The following ARHGAP8 variants were observed in gnomAD, a reference collection of about 807,000 sequenced individuals.
The protein encoded by ARHGAP8 is Rho GTPase activating protein 8, also known as rho GTPase-activating protein 8.
In ARHGAP8, 62 loss-of-function variants were observed where a neutral mutation model predicts 46.1. The ratio of observed to expected loss-of-function variants is 1.34; its 90% confidence interval spans 1.10 to 1.66. The LOEUF is 1.66. Among genes scored for constraint, ARHGAP8 ranks in the 40% most tolerant of loss-of-function variants. The pLI, the probability that ARHGAP8 is intolerant of heterozygous loss-of-function variation, is 0.00. For synonymous variants in ARHGAP8, 375 were observed against 243.1 expected (o/e 1.54, Z -5.05); for missense variants, 923 against 568.4 (o/e 1.62, Z -6.34).
chr22:44,857,165 C>G (rs895807454), intron 10 of ARHGAP8, among the ~76,000 whole-genome samples: 3 of 146,686 alleles, frequency 2.0e-5, no homozygotes, highest in Admixed American at 6.7e-5. Context: ...GTCTCAAACT[C>G]CTGACCTCAG....
At chr22:44,767,499 A>T (rs1925665227) in intron 1 of ARHGAP8, among the ~76,000 whole-genome samples, 1 of 152,102 alleles carries the variant, frequency 6.6e-6, no homozygotes, top group Non-Finnish European at 1.5e-5. Context: ...CCTTAATGTG[A>T]TCGACTATGC....
chr22:44,852,675 G>A (rs1337243332), intron 10 of ARHGAP8, among the ~76,000 whole-genome samples: 5 of 152,148 alleles, frequency 3.3e-5, no homozygotes, highest in South Asian at 2.1e-4. Context: ...AGGAGGTAGC[G>A]GTGGAGGTGG....
At chr22:44,759,086 G>A (rs1924919244) in intron 1 of ARHGAP8, among the ~76,000 whole-genome samples, 1 of 152,192 alleles carries the variant, frequency 6.6e-6, no homozygotes, top group South Asian at 2.1e-4. Context: ...GTGGATGGTG[G>A]GGTGACCCTG....
chr22:44,833,394 TG>T (rs1209338813), intron 7 of ARHGAP8, among the ~76,000 whole-genome samples: 1 of 152,204 alleles, frequency 6.6e-6, no homozygotes, highest in Non-Finnish European at 1.5e-5. Flanking sequence ...TGTTAGGTTT[TG>T]TGAAATGCTT....
chr22:44,776,465 A>G lies in ARHGAP8; in HGVS notation c.-71-9992A>G, dbSNP rs571859504. On this transcript the variant is annotated intron_variant, in intron 1 of 11. Coordinates refer to ENST00000356099, the MANE Select transcript of ARHGAP8 (RefSeq NM_181335.3). ...GAAACTCCGTCTCAAAAAAAAAGAA[A>G]AAAAAAAGTAGGCATCCTTGTACTT... 6.7e-3 allele frequency among the ~76,000 whole-genome samples: 1,017 copies of G among 152,182 alleles called. 9 individuals are homozygous for G. Among genetic ancestry groups the G allele is most frequent in the African/African-American group, 0.024 (980 of 41,526 alleles).
chr22:44,832,293 C>A (rs1931003591), intron 7 of ARHGAP8, among the ~76,000 whole-genome samples: 1 of 140,510 alleles, frequency 7.1e-6, no homozygotes, highest in South Asian at 2.3e-4. Context: ...GTGGTGCAAT[C>A]TTGGCGCACT....
At chr22:44,805,685 A>T (rs891475737) in intron 3 of ARHGAP8, among the ~76,000 whole-genome samples, 2 of 152,234 alleles carry the variant, frequency 1.3e-5, no homozygotes, top group Non-Finnish European at 2.9e-5. Flanking sequence ...AGGAAAAGGC[A>T]TCTTTTTCTA....
intron 11 of ARHGAP8, among the ~76,000 whole-genome samples, chr22:44,861,828 T>C (rs1280173175): frequency 3.9e-5 from 6 of 152,108 alleles, no homozygotes; most frequent in African/African-American, 7.2e-5. Context: ...GAGCCCCTTC[T>C]AGCAGGCAAG....
chr22:44,862,097 G>A (rs559614208), intron 11 of ARHGAP8, among the ~76,000 whole-genome samples, 178 bp from the exon 12 acceptor site: 4 of 152,288 alleles, frequency 2.6e-5, no homozygotes, highest in East Asian at 1.9e-4. Flanking sequence ...TTTAGAGATA[G>A]GGTAACTAAG....
intron 5 of ARHGAP8, among the ~76,000 whole-genome samples, chr22:44,820,611 A>G (rs1342801884): frequency 6.6e-6 from 1 of 152,086 alleles, no homozygotes; most frequent in Non-Finnish European, 1.5e-5. Context: ...GCACTAAGGC[A>G]GGCCCCGCTT....
chr22:44,856,825 T>A (rs1328994313), intron 10 of ARHGAP8, among the ~76,000 whole-genome samples: 2 of 144,572 alleles, frequency 1.4e-5, no homozygotes, highest in African/African-American at 5.5e-5. Context: ...AAGAACCCAT[T>A]CTTCCGAATG....
chr22:44,825,814 G>A (rs12158993), intron 7 of ARHGAP8, among the ~76,000 whole-genome samples: 7 of 129,648 alleles, frequency 5.4e-5, no homozygotes, highest in East Asian at 2.4e-4. Flanking sequence ...GTTGGGGGGC[G>A]CATGCTCGCT....
At chr22:44,861,491 C>T (rs55691021) in intron 11 of ARHGAP8, among the ~76,000 whole-genome samples, 58,268 of 152,032 alleles carry the variant, frequency 0.38, 11,479 homozygotes, top group East Asian at 0.56. Context: ...GAAAGGCATC[C>T]AGCCATCTCA....
At chr22:44,774,029 C>T (rs548852868) in intron 1 of ARHGAP8, among the ~76,000 whole-genome samples, 2 of 152,314 alleles carry the variant, frequency 1.3e-5, no homozygotes, top group Non-Finnish European at 2.9e-5. Flanking sequence ...GAGGAAGGTG[C>T]TGTTGTTGTC....
chr22:44,766,522 G>C (rs376149066), intron 1 of ARHGAP8, among the ~76,000 whole-genome samples: 2 of 152,118 alleles, frequency 1.3e-5, no homozygotes, highest in Admixed American at 1.3e-4. Context: ...GTCTGTGTGC[G>C]TGTGTCTGTA....
At position 44,848,961 on chromosome 22, in the gene ARHGAP8, G is replaced by C; in HGVS notation, c.778G>C (p.Asp260His). ...GKPVNFDDYGDIHIPAVILKT... is the reference protein window; with the variant it reads ...GKPVNFDDYGHIHIPAVILKT... Reference sequence around the variant, plus strand: ...GCCCGTGAACTTTGACGACTACGGGGACATTCACATCCCTGCCGTGATCCT... The same window carrying C: ...GCCCGTGAACTTTGACGACTACGGGCACATTCACATCCCTGCCGTGATCCT... Residue 260 changes from aspartate (D) to histidine (H), a missense_variant, in exon 10 of 12, where the codon GAC becomes CAC. Physicochemically the swap from Asp to His is moderately conservative, Grantham distance 81 (BLOSUM62 -1). Coordinates refer to ENST00000356099, the MANE Select transcript of ARHGAP8 (RefSeq NM_181335.3). The C allele has an allele frequency of 1.2e-6, 2 of 1,614,110 alleles. No homozygotes were observed. Among genetic ancestry groups the C allele is most frequent in the Non-Finnish European group, 1.7e-6 (2 of 1,180,028 alleles).
At chr22:44,846,005 G>T (rs2069945998) in intron 8 of ARHGAP8, among the ~76,000 whole-genome samples, 2 of 114,230 alleles carry the variant, frequency 1.8e-5, no homozygotes, top group South Asian at 5.0e-4. Flanking sequence ...CAGACAAGAA[G>T]TGAGTGCCCC....
chr22:44,755,485 G>A (rs953341148), intron 1 of ARHGAP8, among the ~76,000 whole-genome samples: 1 of 152,196 alleles, frequency 6.6e-6, no homozygotes, highest in African/African-American at 2.4e-5. Context: ...GATGCATCAC[G>A]TGTGTCCAGA....
rs139748138 is a variant in ARHGAP8 at position 44,794,717 on chromosome 22, T to C, written c.80-7360T>C. Among the ~76,000 whole-genome samples the C allele has an allele frequency of 2.6e-3, 354 of 136,296 alleles. 3 individuals carry two copies. The highest frequency in any genetic ancestry group is 0.018 in the Admixed American group (251 of 13,812). The allele number at this position is 136,296 out of a possible 152,430, so 89.4% of individuals were successfully genotyped here. A position where few individuals can be genotyped will look rare whatever the true frequency, so the allele number is the denominator to read the frequency against. On this transcript the variant is annotated intron_variant, in intron 2 of 11. Transcript: ENST00000356099. ...AAAGCAAGACTCCGTCTCAGAAAAA[T>C]AATAATAATAATAATATACTTTATT...
Sources: allele counts gnomAD v4.1 joint callset (sites outside exome capture counted in the v4.1 genomes callset), GRCh38; gene constraint gnomAD v4.1.1; transcripts MANE v1.5; gene names NCBI Gene and HGNC (gene_info 2026-07-23, HGNC 2026-07-21).